KLHL20: variants seen among roughly 807,000 people sequenced by gnomAD.
The protein encoded by KLHL20 is kelch-like protein 20.
In KLHL20, 29 loss-of-function variants were observed where a neutral mutation model predicts 69.5. The ratio of observed to expected loss-of-function variants is 0.42; its 90% CI spans 0.31 to 0.57. The LOEUF is 0.57. KLHL20 is among the 20% of genes least tolerant of loss of function. The probability of loss-of-function intolerance (pLI) is 0.18; values close to 1 mark genes in which losing one functional copy is unlikely to be tolerated. For missense variants in KLHL20, 419 were observed against 776.0 expected, an observed-to-expected ratio of 0.54 and a Z score of 5.47; for synonymous variants, 253 against 265.2, an observed-to-expected ratio of 0.95 and a Z score of 0.45.
intron 2 of KLHL20, among the ~76,000 whole-genome samples, chr1:173,726,564 G>A (rs771785379): frequency 6.6e-6 from 1 of 152,120 alleles, no homozygotes; most frequent in South Asian, 2.1e-4. Context: ...CCAGAGGAAC[G>A]ATCAGGCAGC....
Position 173,756,026 on chromosome 1 carries a change from G to A in KLHL20, c.955G>A (p.Val319Ile). The A allele has an allele frequency of 6.2e-7, 1 of 1,612,536 alleles. No individual in the cohort carries two copies. Among genetic ancestry groups the A allele is most frequent in the Non-Finnish European group, 8.5e-7 (1 of 1,178,724 alleles). ...RPRKPIRCGEVLFAVGGWCSG... is the reference protein window; with the variant it reads ...RPRKPIRCGEILFAVGGWCSG... ...ACGGAAACCTATCCGATGTGGGGAA[G>A]TACTCTTTGCAGGTTTGGATCTTAA... The change falls in exon 6 of 12, where the codon GTA becomes ATA. Residue 319 changes from valine (V) to isoleucine (I), a missense_variant. Transcript: ENST00000209884.
intron 3 of KLHL20, among the ~76,000 whole-genome samples, chr1:173,750,544 G>A (rs1673259487): frequency 6.8e-6 from 1 of 147,760 alleles, no homozygotes; most frequent in South Asian, 2.1e-4. Flanking sequence ...GAAGTGAAAT[G>A]GCGCAATCTT....
intron 10 of KLHL20, among the ~76,000 whole-genome samples, chr1:173,781,022 A>G (rs1278626700): frequency 8.3e-6 from 1 of 120,278 alleles, no homozygotes; most frequent in African/African-American, 3.0e-5. Context: ...AGGGAGAGGG[A>G]GAGAGAGAGA....
At chr1:173,738,756 GATTTTT>G (rs1314986343) in intron 3 of KLHL20, among the ~76,000 whole-genome samples, 1 of 152,084 alleles carries the variant, frequency 6.6e-6, no homozygotes, top group African/African-American at 2.4e-5. Context: ...ATGATCATAT[GATTTTT>G]ATTTTTAATT....
In KLHL20 at chr1:173,734,188, C is replaced by A. The variant is rs781679762; in HGVS notation, c.499C>A (p.Pro167Thr). Residue 167 changes from proline to threonine, a missense_variant, in exon 3 of 12, where the codon CCT (proline) becomes ACT (threonine). By Grantham distance (38) the Pro-to-Thr change is conservative. This residue lies in a region of KLHL20 where 99 missense variants were observed against 240.7 expected (regional missense o/e 0.41). Coordinates refer to ENST00000209884, the MANE Select transcript of KLHL20 (RefSeq NM_014458.4). Reference sequence around the variant, plus strand: ...TGAATTCTTAAAGAGACAATTAGATCCTTCTAACTGCCTGGGCATTCGGGC... The same window carrying A: ...TGAATTCTTAAAGAGACAATTAGATACTTCTAACTGCCTGGGCATTCGGGC... ...CCEFLKRQLD[P>T]SNCLGIRAFA... 6.2e-7 allele frequency: 1 copy of A among 1,614,162 alleles called. No individual in the cohort carries two copies. Among genetic ancestry groups the A allele is most frequent in the South Asian group, 1.1e-5 (1 of 91,084 alleles).
intron 3 of KLHL20, among the ~76,000 whole-genome samples, chr1:173,742,730 A>G (rs1223681411): frequency 6.6e-6 from 1 of 151,074 alleles, no homozygotes; most frequent in Non-Finnish European, 1.5e-5. Flanking sequence ...GTATGTATAT[A>G]CATGTGTGTA....
In KLHL20 at chr1:173,734,352, A is replaced by C. The variant is rs771727185; in HGVS notation, c.597+66A>C. 1.1e-5 allele frequency: 14 copies of C among 1,297,866 alleles called. 1 individual carries two copies. Among genetic ancestry groups the C allele is most frequent in the African/African-American group, 4.4e-5 (3 of 68,692 alleles). The allele number at this position is 1,297,866 out of a possible 1,614,324, so 80.4% of individuals were successfully genotyped here. A position where few individuals can be genotyped will look rare whatever the true frequency, so the allele number is the denominator to read the frequency against. ...GAGCAATATGGGTTCACATTCTGCT[A>C]AATAACACTTGCCTGGGTATTTCCT... On this transcript the variant is annotated intron_variant, in intron 3 of 11. Transcript: ENST00000209884.
chr1:173,746,865 T>C (rs1673082593), intron 3 of KLHL20, among the ~76,000 whole-genome samples: 1 of 152,050 alleles, frequency 6.6e-6, no homozygotes, highest in African/African-American at 2.4e-5. Flanking sequence ...TATTTAAAGC[T>C]ATTCTTCTCG....
At chr1:173,757,960 CTT>C (rs1388301338) in intron 7 of KLHL20, among the ~76,000 whole-genome samples, 1 of 152,154 alleles carries the variant, frequency 6.6e-6, no homozygotes, top group Non-Finnish European at 1.5e-5. Flanking sequence ...AACAGTGACT[CTT>C]TGTTTCCATA....
In KLHL20 at chr1:173,761,956, A is replaced by G. The variant is rs142375356; in HGVS notation, c.1152-4190A>G. 4.4e-3 allele frequency among the ~76,000 whole-genome samples: 676 copies of G among 152,294 alleles called. 5 individuals carry two copies. The highest frequency in any genetic ancestry group is 0.015 in the African/African-American group (636 of 41,568). On this transcript the variant is annotated intron_variant, in intron 7 of 11. Transcript: ENST00000209884. ...AAAAGCTGGTTCTTTGAAAAGATAA[A>G]TAAAATTGATAGACCATTACCAAGA...
At position 173,785,327 on chromosome 1, in the gene KLHL20, A is replaced by C. The variant is rs1311860896; in HGVS notation, c.*80A>C. ...TTGGAGCTTTGTACAGCTTGAGAAA[A>C]CATTAGAACAAATTTTATTATTTGC... On this transcript the variant is annotated 3_prime_UTR_variant, in exon 12 of 12. Transcript: ENST00000209884. The C allele has an allele frequency of 3.4e-6, 3 of 892,952 alleles. No individual in the cohort carries two copies. Among genetic ancestry groups the C allele is most frequent in the Non-Finnish European group, 4.9e-6 (3 of 611,112 alleles). The allele number at this position is 892,952 out of a possible 1,614,324, so 55.3% of individuals were successfully genotyped here.
chr1:173,754,385 G>A (rs563600062), intron 5 of KLHL20, among the ~76,000 whole-genome samples: 1 of 152,064 alleles, frequency 6.6e-6, no homozygotes, highest in Non-Finnish European at 1.5e-5. Flanking sequence ...TCAGGAGTTC[G>A]AGACCAGCCT....
intron 3 of KLHL20, among the ~76,000 whole-genome samples, chr1:173,750,507 A>G (rs1335539110): frequency 6.9e-6 from 1 of 144,172 alleles, no homozygotes; most frequent in Non-Finnish European, 1.5e-5. Context: ...TTTTTTTGAG[A>G]TGGAGCCTCA....
chr1:173,727,537 C>CT (rs1318892675), intron 2 of KLHL20, among the ~76,000 whole-genome samples: 9 of 152,200 alleles, frequency 5.9e-5, no homozygotes, highest in African/African-American at 2.2e-4. Context: ...GCCCATCAGA[C>CT]TAACAGCTGA....
At chr1:173,721,186 T>C (rs1671697813) in intron 2 of KLHL20, among the ~76,000 whole-genome samples, 1 of 152,146 alleles carries the variant, frequency 6.6e-6, no homozygotes, top group African/African-American at 2.4e-5. Flanking sequence ...ATCTAGAGTT[T>C]TTATTGATAG....
At chr1:173,735,934 A>AT (rs1558190601) in intron 3 of KLHL20, among the ~76,000 whole-genome samples, 22 of 126,966 alleles carry the variant, frequency 1.7e-4, no homozygotes, top group Non-Finnish European at 2.7e-4. Flanking sequence ...ATGCCATTCT[A>AT]TCTTTTTTTT....
rs1054663633 is a variant in KLHL20, at chr1:173,785,663, G to T, written c.*416G>T. ...TCCATCCACATGATTCCACTAACAA[G>T]GATTACCAGGAATAAAGGTAGGTAT... is the stretch of plus-strand genomic sequence containing the variant. On this transcript the variant is annotated 3_prime_UTR_variant, in exon 12 of 12. Transcript: ENST00000209884. 2.0e-5 allele frequency: 3 copies of T among 151,592 alleles called. No homozygotes were observed. Among genetic ancestry groups the T allele is most frequent in the African/African-American group, 7.3e-5 (3 of 41,208 alleles). 9.4% of individuals were successfully genotyped at this position (151,592 alleles called of 1,614,324 possible).
chr1:173,741,884 A>C, intron 3 of KLHL20: 1 of 1,556,058 alleles, frequency 6.4e-7, no homozygotes, highest in East Asian at 2.3e-5. Flanking sequence ...CAGGAGGAAA[A>C]GCAAGGCTTA....
chr1:173,746,576 T>C (rs898440277), intron 3 of KLHL20, among the ~76,000 whole-genome samples: 1 of 152,124 alleles, frequency 6.6e-6, no homozygotes, highest in African/African-American at 2.4e-5. Flanking sequence ...AATTTTTAAA[T>C]TTCTGTAGCA....
Sources: gnomAD v4.1 joint callset for allele counts (sites outside exome capture counted in the v4.1 genomes callset) on GRCh38, gnomAD v4.1.1 for gene constraint, gnomAD v4.1.1 regional missense constraint, MANE v1.5 for transcripts, NCBI Gene and HGNC (gene_info 2026-07-23, HGNC 2026-07-21) for gene names.